The following MDFIC variants were observed in gnomAD, a reference collection of about 807,000 sequenced individuals.
The protein encoded by MDFIC is MyoD family inhibitor domain containing, also known as myoD family inhibitor domain-containing protein.
Under a neutral mutation model 23.2 loss-of-function variants are expected in MDFIC, and 17 were observed. The ratio of observed to expected loss-of-function variants is 0.73; its 90% CI spans 0.50 to 1.10. The LOEUF (loss-of-function observed/expected upper bound fraction) is 1.10, where lower values mean the gene tolerates loss of function less well. MDFIC is among the 50% of genes least tolerant of loss of function. MDFIC has a pLI of 0.00. For missense variants in MDFIC, 356 were observed against 316.6 expected, an observed-to-expected ratio of 1.12 and a Z score of -0.95; for synonymous variants, 120 against 115.2, an observed-to-expected ratio of 1.04 and a Z score of -0.27.
chr7:115,014,428 A>C (rs1478782631), intron 4 of MDFIC: 4 of 1,289,662 alleles, frequency 3.1e-6, no homozygotes, highest in Non-Finnish European at 4.0e-6. Context: ...GCCAAGCAAC[A>C]AGCTGGTTTT....
intron 4 of MDFIC, among the ~76,000 whole-genome samples, chr7:115,003,542 T>C (rs964281947): frequency 2.6e-5 from 4 of 152,194 alleles, no homozygotes; most frequent in African/African-American, 4.8e-5. Context: ...TTTCTTGATA[T>C]TTCCTCAAAG....
intron 3 of MDFIC, among the ~76,000 whole-genome samples, chr7:114,960,652 C>T (rs911253132): frequency 1.3e-5 from 2 of 152,152 alleles, no homozygotes; most frequent in African/African-American, 2.4e-5. Context: ...ATGTCCCAGA[C>T]ACTCAGATTT....
At chr7:115,002,170 A>C (rs943784324) in intron 4 of MDFIC, among the ~76,000 whole-genome samples, 5 of 151,502 alleles carry the variant, frequency 3.3e-5, no homozygotes, top group African/African-American at 1.2e-4. Flanking sequence ...AACAAACAAA[A>C]AGAAACTGGC....
At position 115,001,923 on chromosome 7, in the gene MDFIC, G is replaced by A. The variant is rs564673743; in HGVS notation, c.494-13765G>A. Among the ~76,000 whole-genome samples, 40 of 152,290 alleles carry A rather than the reference G, an allele frequency of 2.6e-4. No homozygotes were observed. In the South Asian group the frequency reaches 5.8e-3, roughly 22 times the overall value. ...AGGCCAATGGGGACAGATCACCTGAGGTCGGGAGTTTGAGCCGAGCCTGGC... is the reference window on the plus strand; with the variant it reads ...AGGCCAATGGGGACAGATCACCTGAAGTCGGGAGTTTGAGCCGAGCCTGGC... On this transcript the variant is annotated intron_variant, in intron 4 of 4. Transcript: ENST00000393486.
chr7:115,015,560 A>G, intron 4 of MDFIC, 128 bp from the exon 5 acceptor site: 1 of 1,303,766 alleles, frequency 7.7e-7, no homozygotes. Flanking sequence ...CCAGCTCACA[A>G]AGCAAACTTC....
rs115579832 is a variant in MDFIC at position 114,971,624 on chromosome 7, G to A, written c.218-7882G>A. On this transcript the variant is annotated intron_variant, in intron 3 of 4. Coordinates refer to ENST00000393486, the MANE Select transcript of MDFIC (RefSeq NM_001166345.3). ...TTTGTGCTTTTATCCTCAAATGAAT[G>A]ACAAATTTGGCTTTACATCAGGCTA... Among the ~76,000 whole-genome samples, 149 of 152,222 alleles carry A rather than the reference G, an allele frequency of 9.8e-4. 1 individual carries two copies. Among genetic ancestry groups the A allele is most frequent in the African/African-American group, 3.5e-3 (144 of 41,526 alleles).
intron 4 of MDFIC, among the ~76,000 whole-genome samples, chr7:115,007,909 G>A (rs1423668834): frequency 7.1e-6 from 1 of 139,956 alleles, no homozygotes; most frequent in East Asian, 2.1e-4. Context: ...ATGTTGCCCA[G>A]GGTAGTCAAA....
chr7:114,942,016 T>A (rs1348676939), intron 2 of MDFIC, among the ~76,000 whole-genome samples: 1 of 152,194 alleles, frequency 6.6e-6, no homozygotes, highest in Non-Finnish European at 1.5e-5. Flanking sequence ...CTTGCTGTGT[T>A]AAAATTACTT....
chr7:114,947,808 T>G (rs527864697), intron 3 of MDFIC, among the ~76,000 whole-genome samples: 3 of 152,230 alleles, frequency 2.0e-5, no homozygotes, highest in Admixed American at 1.3e-4. Flanking sequence ...TATGCCTCAT[T>G]GTCATTTTGA....
chr7:114,983,758 A>G (rs923133611), intron 4 of MDFIC, among the ~76,000 whole-genome samples: 1 of 151,650 alleles, frequency 6.6e-6, no homozygotes, highest in Non-Finnish European at 1.5e-5. Context: ...TTTAGTAGAG[A>G]TGGGGTTTCA....
intron 3 of MDFIC, among the ~76,000 whole-genome samples, chr7:114,970,521 A>G (rs1793185530): frequency 6.6e-6 from 1 of 152,088 alleles, no homozygotes; most frequent in Admixed American, 6.6e-5. Context: ...TGGGCTATCC[A>G]TATCGCCTTT....
chr7:114,993,244 TC>T (rs1455624988), intron 4 of MDFIC, among the ~76,000 whole-genome samples: 1 of 152,196 alleles, frequency 6.6e-6, no homozygotes, highest in Non-Finnish European at 1.5e-5. Context: ...TTCTCTCTTT[TC>T]TTCTTTATTA....
At chr7:115,012,021 C>T (rs80031749) in intron 4 of MDFIC, among the ~76,000 whole-genome samples, 11,691 of 152,290 alleles carry the variant, frequency 0.077, 923 homozygotes, top group East Asian at 0.45. Flanking sequence ...TTAACTTCCT[C>T]AGCCATGTAA....
At chr7:114,944,082 T>C (rs1468703559) in intron 3 of MDFIC, among the ~76,000 whole-genome samples, 2 of 152,216 alleles carry the variant, frequency 1.3e-5, no homozygotes, top group South Asian at 4.1e-4. Flanking sequence ...TACGGTTTCA[T>C]TGGTTAAGTG....
At chr7:114,932,223 C>T (rs1246766243) in intron 2 of MDFIC, among the ~76,000 whole-genome samples, 1 of 152,100 alleles carries the variant, frequency 6.6e-6, no homozygotes, top group Non-Finnish European at 1.5e-5. Flanking sequence ...GGATATAATT[C>T]ATACTTCAGC....
intron 2 of MDFIC, among the ~76,000 whole-genome samples, chr7:114,935,208 A>G (rs888229054): frequency 2.0e-5 from 3 of 152,142 alleles, no homozygotes; most frequent in Non-Finnish European, 4.4e-5. Context: ...AATTGTTTAA[A>G]GCAAGTTTGT....
chr7:114,930,558 T>C (rs1263448475), intron 2 of MDFIC, among the ~76,000 whole-genome samples: 1 of 152,184 alleles, frequency 6.6e-6, no homozygotes, highest in African/African-American at 2.4e-5. Context: ...TTTTTGGGTG[T>C]GTAAAGGCTT....
At position 114,922,644 on chromosome 7, in the gene MDFIC, G is replaced by T. The variant is rs1156985841; in HGVS notation, c.-108+8G>T. ...CTACGGGGGGATGCGGAGGTAGGTA[G>T]TGGTCTCCGGGCGGGGAAGAGGAGG... is the stretch of plus-strand genomic sequence containing the variant. On this transcript the variant is annotated splice_region_variant and intron_variant, in intron 1 of 4. Transcript: ENST00000393486. 1 of 1,308,168 alleles carries T rather than the reference G, an allele frequency of 7.6e-7. No individual in the cohort carries two copies. Among genetic ancestry groups the T allele is most frequent in the East Asian group, 3.1e-5 (1 of 32,122 alleles). 81.0% of individuals were successfully genotyped at this position (1,308,168 alleles called of 1,614,324 possible).
chr7:114,993,908 A>G (rs1207499524), intron 4 of MDFIC, among the ~76,000 whole-genome samples: 2 of 151,988 alleles, frequency 1.3e-5, no homozygotes, highest in Admixed American at 6.6e-5. Flanking sequence ...TATCCTTGTT[A>G]ACTTTCTGTC....
Sources: gnomAD v4.1 joint callset for allele counts (sites outside exome capture counted in the v4.1 genomes callset) on GRCh38, gnomAD v4.1.1 for gene constraint, MANE v1.5 for transcripts, NCBI Gene and HGNC (gene_info 2026-07-23, HGNC 2026-07-21) for gene names.